The following DDX46 variants were observed in gnomAD, a reference collection of about 807,000 sequenced individuals.
DDX46 encodes the protein probable ATP-dependent RNA helicase DDX46.
In DDX46, 30 loss-of-function variants were observed where a neutral mutation model predicts 134.9. The observed-to-expected ratio is 0.22, with a 90% confidence interval of 0.17 to 0.30. The LOEUF (loss-of-function observed/expected upper bound fraction) is 0.30. DDX46 is among the 10% of genes least tolerant of loss of function. The pLI is 1.00. For synonymous variants in DDX46, 415 were observed against 404.1 expected, an observed-to-expected ratio of 1.03 and a Z score of -0.32; for missense variants, 622 against 1,248.7, an observed-to-expected ratio of 0.50 and a Z score of 7.56.
intron 4 of DDX46, among the ~76,000 whole-genome samples, 174 bp from the exon 5 acceptor site, chr5:134,773,522 G>C (rs1753838595): frequency 6.6e-6 from 1 of 152,234 alleles, no homozygotes; most frequent in African/African-American, 2.4e-5. Context: ...ATATTTGTGT[G>C]TATATTTATA....
intron 2 of DDX46, among the ~76,000 whole-genome samples, chr5:134,765,075 TA>T (rs941985539): frequency 6.6e-6 from 1 of 150,494 alleles, no homozygotes; most frequent in Non-Finnish European, 1.5e-5. Context: ...TTTTTTAATT[TA>T]TTTTTTTTTT....
At chr5:134,779,525 T>C (rs1378522629) in intron 6 of DDX46, among the ~76,000 whole-genome samples, 2 of 151,936 alleles carry the variant, frequency 1.3e-5, no homozygotes, top group Non-Finnish European at 2.9e-5. Flanking sequence ...AAAATGTTTT[T>C]TAGAGACAGG....
intron 15 of DDX46, among the ~76,000 whole-genome samples, chr5:134,801,174 G>A (rs990866126): frequency 6.6e-6 from 1 of 152,074 alleles, no homozygotes; most frequent in Non-Finnish European, 1.5e-5. Flanking sequence ...AGGAGGCTGA[G>A]GTGGGAGGGA....
chr5:134,828,607 GTT>G, intron 22 of DDX46, 50 bp from the exon 23 acceptor site: 2 of 912,360 alleles, frequency 2.2e-6, no homozygotes, highest in Non-Finnish European at 2.9e-6. Context: ...TTTTTTTTTT[GTT>G]TTTTTTGTTT....
At chr5:134,812,150 C>T (rs964086202) in intron 18 of DDX46, among the ~76,000 whole-genome samples, 3 of 150,418 alleles carry the variant, frequency 2.0e-5, no homozygotes, top group Non-Finnish European at 4.4e-5. Flanking sequence ...CTGTAACCTC[C>T]GCCTCCTGGG....
chr5:134,773,875 C>T lies in DDX46; in HGVS notation c.613+14C>T. Reference sequence around the variant, plus strand: ...AGGACGATGATGGTATATTTTTTAGCCTAATAGCCTGTATAACACCTCATG... The same window carrying T: ...AGGACGATGATGGTATATTTTTTAGTCTAATAGCCTGTATAACACCTCATG... On this transcript the variant is annotated intron_variant, in intron 5 of 22. Coordinates refer to ENST00000452510, the MANE Select transcript of DDX46 (RefSeq NM_001300860.2). The T allele has an allele frequency of 6.3e-7, 1 of 1,581,578 alleles. No individual in the cohort carries two copies.
At position 134,805,650 on chromosome 5, in the gene DDX46, T is replaced by G. The variant is rs574796912; in HGVS notation, c.1955-2098T>G. Among the ~76,000 whole-genome samples, 9 of 152,048 alleles carry G rather than the reference T, an allele frequency of 5.9e-5. No homozygotes were observed. The South Asian group carries it at 1.0e-3, about 18-fold the overall frequency. Reference sequence around the variant, plus strand: ...TTCAAGCAATTCTCCTGCTTCAGCCTTCTGAGTAGCTGGGATTACCGGTGG... The same window carrying G: ...TTCAAGCAATTCTCCTGCTTCAGCCGTCTGAGTAGCTGGGATTACCGGTGG... On this transcript the variant is annotated intron_variant, in intron 15 of 22. Transcript: ENST00000452510.
intron 15 of DDX46, among the ~76,000 whole-genome samples, chr5:134,803,166 G>C (rs984322536): frequency 6.6e-6 from 1 of 152,070 alleles, no homozygotes; most frequent in African/African-American, 2.4e-5. Flanking sequence ...GCTAATTTTT[G>C]TGTTTTTAGT....
intron 4 of DDX46, among the ~76,000 whole-genome samples, chr5:134,773,458 A>G (rs909066342): frequency 8.5e-5 from 13 of 152,198 alleles, no homozygotes; most frequent in Non-Finnish European, 2.9e-5. Context: ...TTTGAAATCT[A>G]TCTTTTGGCT....
intron 18 of DDX46, among the ~76,000 whole-genome samples, chr5:134,815,621 G>A (rs1755265058): frequency 6.6e-6 from 1 of 150,442 alleles, no homozygotes; most frequent in Non-Finnish European, 1.5e-5. Context: ...GCAGAAGAAT[G>A]GCGTGAACCT....
At chr5:134,782,140 T>G in intron 8 of DDX46, 54 bp downstream of exon 8, 1 of 1,467,818 alleles carries the variant, frequency 6.8e-7, no homozygotes, top group East Asian at 2.4e-5. Flanking sequence ...GAGGATACAT[T>G]TCACATTGCT....
At chr5:134,791,259 T>C (rs1754494886) in intron 13 of DDX46, among the ~76,000 whole-genome samples, 1 of 152,244 alleles carries the variant, frequency 6.6e-6, no homozygotes, top group African/African-American at 2.4e-5. Flanking sequence ...GCTTAGGTTT[T>C]TATGTTCCTT....
intron 1 of DDX46, among the ~76,000 whole-genome samples, chr5:134,762,333 G>A (rs985266249): frequency 6.6e-6 from 1 of 151,958 alleles, no homozygotes; most frequent in African/African-American, 2.4e-5. Flanking sequence ...TGGAAGGATT[G>A]CTGGGGCCCA....
intron 17 of DDX46, 55 bp downstream of exon 17, chr5:134,811,413 G>T: frequency 1.3e-6 from 2 of 1,560,016 alleles, no homozygotes; most frequent in South Asian, 1.2e-5. Flanking sequence ...ACTAAACCTT[G>T]ATTATTTAAT....
In DDX46 at chr5:134,811,344, G is replaced by T; in HGVS notation, c.2272G>T (p.Asp758Tyr). Residue 758 changes from aspartate to tyrosine, a missense_variant, in exon 17 of 23, where the codon GAT becomes TAT. Physicochemically the swap from Asp to Tyr is radical, Grantham distance 160. Around this residue, in one of 8 missense-constraint regions of DDX46, gnomAD observed 209 missense variants for 508.4 expected, o/e 0.41. Coordinates refer to ENST00000452510, the MANE Select transcript of DDX46 (RefSeq NM_001300860.2). The stretch of plus-strand genomic sequence containing the variant: ...AGAGAAACTGTGGAGTGATTTCAAA[G>T]ATCAGCAGAAAGCTGTGAGTTTTTA... ...DLEKLWSDFK[D>Y]QQKAEGKIIK... 1 of 1,613,982 alleles carries T rather than the reference G, an allele frequency of 6.2e-7. No homozygotes were observed. Among genetic ancestry groups the T allele is most frequent in the Non-Finnish European group, 8.5e-7 (1 of 1,179,946 alleles).
At chr5:134,787,630 C>T (rs1754377630) in intron 11 of DDX46, among the ~76,000 whole-genome samples, 1 of 152,156 alleles carries the variant, frequency 6.6e-6, no homozygotes, top group Non-Finnish European at 1.5e-5. Flanking sequence ...TACATGCCTG[C>T]ACGTTGTATT....
intron 21 of DDX46, among the ~76,000 whole-genome samples, chr5:134,820,296 A>G (rs1247244305): frequency 6.6e-6 from 1 of 152,216 alleles, no homozygotes; most frequent in Non-Finnish European, 1.5e-5. Context: ...ATTATGTGAA[A>G]TGGAAGCAAG....
intron 9 of DDX46, among the ~76,000 whole-genome samples, chr5:134,783,845 G>T (rs1292774792): frequency 6.7e-6 from 1 of 149,612 alleles, no homozygotes; most frequent in Admixed American, 6.7e-5. Context: ...CACCAAGGCC[G>T]GCCTTTTTTT....
intron 6 of DDX46, chr5:134,780,636 A>C (rs1446641140): frequency 1.3e-5 from 2 of 150,674 alleles, no homozygotes; most frequent in Admixed American, 6.6e-5. Flanking sequence ...TTTATAATAC[A>C]GTAAATTATG....
Sources: allele counts gnomAD v4.1 joint callset (sites outside exome capture counted in the v4.1 genomes callset), GRCh38; gene constraint gnomAD v4.1.1; regional missense constraint gnomAD v4.1.1; transcripts MANE v1.5; gene names NCBI Gene and HGNC (gene_info 2026-07-23, HGNC 2026-07-21).